The following CELF2 variants were observed in gnomAD, a reference collection of about 807,000 sequenced individuals.
CELF2 encodes the protein CUGBP Elav-like family member 2.
CELF2 carries 8 observed loss-of-function variants against 62.6 expected under a neutral mutation model. That is an observed-to-expected ratio of 0.13 (90% CI 0.07 to 0.23). CELF2 has a LOEUF of 0.23. Ranked by LOEUF, CELF2 falls within the 10% of genes least tolerant of loss-of-function variation. CELF2 has a pLI of 1.00. For missense variants in CELF2, 333 were observed against 671.0 expected, an observed-to-expected ratio of 0.50 and a Z score of 5.56; for synonymous variants, 258 against 250.0, an observed-to-expected ratio of 1.03 and a Z score of -0.30.
rs2088261959 is a variant in CELF2 at position 11,280,875 on chromosome 10, C to T, written c.841+5755C>T. On this transcript the variant is annotated intron_variant, in intron 8 of 12. Transcript: ENST00000633077. The surrounding 1 kb of genome is among the most constrained non-coding windows in gnomAD (Gnocchi z 7.6). ...GCTCTCTAGGGCTTCCTGGCGCCAG[C>T]CTCCACTGGGTCCTTCCCCATTGAC... Among the ~76,000 whole-genome samples, 1 of 152,154 alleles carries T rather than the reference C, an allele frequency of 6.6e-6. No homozygotes were observed. Among genetic ancestry groups the T allele is most frequent in the Admixed American group, 6.5e-5 (1 of 15,288 alleles).
At chr10:10,811,486 A>G (rs868859722) in intron 1 of CELF2, among the ~76,000 whole-genome samples, 2 of 151,690 alleles carry the variant, frequency 1.3e-5, no homozygotes, top group Non-Finnish European at 2.9e-5. Context: ...AGATGGGGGG[A>G]GAGGGGCCCT....
chr10:11,116,584 T>C (rs1433001938), intron 1 of CELF2, among the ~76,000 whole-genome samples: 1 of 152,170 alleles, frequency 6.6e-6, no homozygotes, highest in Non-Finnish European at 1.5e-5. Flanking sequence ...CAAAATCAGT[T>C]GGTGGTTTTC....
the CELF2 span, among the ~76,000 whole-genome samples, chr10:10,714,544 G>A: frequency 3.9e-5 from 6 of 152,152 alleles, no homozygotes; most frequent in Non-Finnish European, 7.4e-5. Context: ...GCAATTAAAT[G>A]AGATTCACAC....
intron 1 of CELF2, among the ~76,000 whole-genome samples, chr10:10,838,975 C>T (rs1433426839): frequency 6.6e-6 from 1 of 151,512 alleles, no homozygotes. Flanking sequence ...CCCATCTCTA[C>T]TAAAAAAAAA....
At chr10:11,095,869 A>G (rs2049711495) in intron 1 of CELF2, among the ~76,000 whole-genome samples, 1 of 152,202 alleles carries the variant, frequency 6.6e-6, no homozygotes, top group Non-Finnish European at 1.5e-5. Flanking sequence ...CCTTGTGAAA[A>G]AGGATGCATT....
chr10:11,323,649 T>G (rs1181184163), intron 11 of CELF2, among the ~76,000 whole-genome samples: 1 of 152,004 alleles, frequency 6.6e-6, no homozygotes, highest in African/African-American at 2.4e-5. Flanking sequence ...CCCCAGTTCT[T>G]TATGCCAGAT....
chr10:10,608,142 A>C, the CELF2 span, among the ~76,000 whole-genome samples: 6 of 112,936 alleles, frequency 5.3e-5, no homozygotes, highest in South Asian at 2.7e-4. Flanking sequence ...ACAAACAAAC[A>C]AACAAACAAA....
At chr10:11,002,388 T>C (rs1300761564), upstream of CELF2, among the ~76,000 whole-genome samples, 1 of 152,180 alleles carries the variant, frequency 6.6e-6, no homozygotes, top group African/African-American at 2.4e-5. The surrounding 1 kb of genome is among the most constrained non-coding windows in gnomAD (Gnocchi z 4.4). Flanking sequence ...ACCGTATCAC[T>C]ATCCCCTAAG....
the CELF2 span, among the ~76,000 whole-genome samples, chr10:10,556,222 G>A: frequency 7.9e-5 from 12 of 151,092 alleles, no homozygotes; most frequent in East Asian, 5.9e-4. Context: ...GTGATATTCC[G>A]CTTCCTGTGT....
At chr10:10,848,906 C>T (rs1205484210) in intron 1 of CELF2, among the ~76,000 whole-genome samples, 1 of 152,026 alleles carries the variant, frequency 6.6e-6, no homozygotes, top group Non-Finnish European at 1.5e-5. Flanking sequence ...TTCTAAAGCC[C>T]GTGACTATTG....
At chr10:11,198,043 C>G (rs1043571579) in intron 2 of CELF2, among the ~76,000 whole-genome samples, 3 of 152,236 alleles carry the variant, frequency 2.0e-5, no homozygotes, top group African/African-American at 7.2e-5. Flanking sequence ...TGATTTATTG[C>G]TTTAAATTGG....
the CELF2 span, among the ~76,000 whole-genome samples, chr10:10,775,058 A>G: frequency 6.6e-6 from 1 of 151,796 alleles, no homozygotes; most frequent in Admixed American, 6.6e-5. Flanking sequence ...TTGTATTTTC[A>G]GTAGAGACAG....
intron 1 of CELF2, among the ~76,000 whole-genome samples, chr10:10,860,436 C>G (rs2059984777): frequency 6.6e-6 from 1 of 152,194 alleles, no homozygotes; most frequent in Non-Finnish European, 1.5e-5. Flanking sequence ...TTGAAGAACT[C>G]TCTCTGACTA....
At chr10:11,131,392 G>T (rs2059602911) in intron 1 of CELF2, among the ~76,000 whole-genome samples, 1 of 152,182 alleles carries the variant, frequency 6.6e-6, no homozygotes, top group Non-Finnish European at 1.5e-5. Context: ...CCGCCCAATG[G>T]TAAGATCTGG....
the CELF2 span, among the ~76,000 whole-genome samples, chr10:10,748,906 T>G: frequency 6.6e-6 from 1 of 152,236 alleles, no homozygotes; most frequent in East Asian, 1.9e-4. Flanking sequence ...AAGCAGAGTC[T>G]GTAAAGGAAG....
At chr10:10,833,482 A>G (rs1156986151) in intron 1 of CELF2, among the ~76,000 whole-genome samples, 1 of 152,216 alleles carries the variant, frequency 6.6e-6, no homozygotes, top group Non-Finnish European at 1.5e-5. Flanking sequence ...CCTTGCTGTA[A>G]ATCAGTTAGA....
At chr10:11,086,654 G>A (rs2046903574) in intron 1 of CELF2, among the ~76,000 whole-genome samples, 1 of 137,792 alleles carries the variant, frequency 7.3e-6, no homozygotes, top group African/African-American at 2.8e-5. Context: ...TGCACAGCCT[G>A]AGCAATAAAT....
upstream of CELF2, among the ~76,000 whole-genome samples, chr10:10,794,197 CGCTCCATCT>C (rs2054009391): frequency 6.6e-6 from 1 of 152,088 alleles, no homozygotes; most frequent in African/African-American, 2.4e-5. Flanking sequence ...TTTTTTAGCT[CGCTCCATCT>C]GCCAACCTTA....
chr10:11,078,258 G>A (rs970386052), intron 1 of CELF2, among the ~76,000 whole-genome samples: 1 of 151,646 alleles, frequency 6.6e-6, no homozygotes, highest in Non-Finnish European at 1.5e-5. Flanking sequence ...GTGGTGGGGG[G>A]CGGAATGTAT....
Sources: allele counts gnomAD v4.1 joint callset (sites outside exome capture counted in the v4.1 genomes callset), GRCh38; gene constraint gnomAD v4.1.1; non-coding constraint Gnocchi (gnomAD v3.1); transcripts MANE v1.5; gene names NCBI Gene and HGNC (gene_info 2026-07-23, HGNC 2026-07-21).